The following COL5A2 variants were observed in gnomAD, a reference collection of about 807,000 sequenced individuals.
COL5A2 encodes collagen type V alpha 2 chain.
COL5A2 carries 23 observed loss-of-function variants against 208.2 expected under a neutral mutation model. The ratio of observed to expected loss-of-function variants is 0.11; its 90% confidence interval spans 0.08 to 0.16. The LOEUF is 0.16. Among genes scored for constraint, COL5A2 ranks in the 10% least tolerant of loss-of-function variants. COL5A2 has a pLI of 1.00. For missense variants in COL5A2, 1,590 were observed against 1,956.4 expected (o/e 0.81, Z 3.53); for synonymous variants, 625 against 628.5 (o/e 0.99, Z 0.08).
chr2:189,046,904 A>G (rs918140212), intron 45 of COL5A2, among the ~76,000 whole-genome samples: 3 of 152,106 alleles, frequency 2.0e-5, no homozygotes, highest in African/African-American at 7.2e-5. Flanking sequence ...CGGCCGGATC[A>G]TGAGGTCAAG....
At chr2:189,187,259 A>G (rs2105840989) in intron 1 of COL5A2, among the ~76,000 whole-genome samples, 1 of 152,358 alleles carries the variant, frequency 6.6e-6, no homozygotes, top group Non-Finnish European at 1.5e-5. Context: ...CAGAAGTCAC[A>G]CAATATAATG....
At chr2:189,099,674 G>A (rs1458219494) in intron 4 of COL5A2, among the ~76,000 whole-genome samples, 1 of 152,028 alleles carries the variant, frequency 6.6e-6, no homozygotes, top group Non-Finnish European at 1.5e-5. Flanking sequence ...GACAGTTGAA[G>A]AGCTTTAATC....
At chr2:189,282,213 T>A in the COL5A2 span, among the ~76,000 whole-genome samples, 1 of 151,694 alleles carries the variant, frequency 6.6e-6, no homozygotes, top group South Asian at 2.1e-4. Flanking sequence ...TATATATATA[T>A]CCATTATTAA....
the COL5A2 span, among the ~76,000 whole-genome samples, chr2:189,415,432 T>C: frequency 1.3e-5 from 2 of 152,112 alleles, no homozygotes; most frequent in Non-Finnish European, 1.5e-5. Context: ...TCCATGTGCA[T>C]TTCGGGAAAA....
At chr2:189,227,087 A>G (rs1689430550), upstream of COL5A2, among the ~76,000 whole-genome samples, 1 of 152,150 alleles carries the variant, frequency 6.6e-6, no homozygotes, top group African/African-American at 2.4e-5. Context: ...GGCCTTCAGA[A>G]TCTCTACTTG....
chr2:189,319,002 A>AG, the COL5A2 span, among the ~76,000 whole-genome samples: 5,531 of 152,280 alleles, frequency 0.036, 114 homozygotes, highest in Admixed American at 0.05. Flanking sequence ...TACTGTGCCA[A>AG]GAGACACTCA....
At chr2:189,185,727 G>T (rs1033634250) in intron 1 of COL5A2, among the ~76,000 whole-genome samples, 3 of 152,144 alleles carry the variant, frequency 2.0e-5, no homozygotes, top group African/African-American at 7.2e-5. Context: ...ACCTTCCTGA[G>T]ATTAAAGGCA....
At chr2:189,367,923 G>A in the COL5A2 span, among the ~76,000 whole-genome samples, 3 of 152,106 alleles carry the variant, frequency 2.0e-5, no homozygotes, top group South Asian at 6.2e-4. Flanking sequence ...ACTTGGATAG[G>A]TCCCATTTTT....
In COL5A2 at chr2:189,068,797, G is replaced by C. The variant is rs1412825331; in HGVS notation, c.1246C>G (p.Pro416Ala). 1.2e-6 allele frequency: 2 copies of C among 1,612,572 alleles called. No homozygotes were observed. The highest frequency in any genetic ancestry group is 1.7e-6 in the Non-Finnish European group (2 of 1,179,112). Residue 416 changes from proline to alanine, a missense_variant, in exon 19 of 54, where the codon CCA (proline) becomes GCA (alanine). Pro to Ala is a conservative substitution (Grantham distance 27, BLOSUM62 -1). Transcript: ENST00000374866. ...TGCTAGAAACTTACAGGAAGACCTG[G>C]AGAGCCAACTGGACCTGGGGGCCCA... ...ETGPPGPVGSPGLPGAIGTDG... is the reference protein window; with the variant it reads ...ETGPPGPVGSAGLPGAIGTDG...
the COL5A2 span, among the ~76,000 whole-genome samples, chr2:189,362,577 AT>A: frequency 2.0e-5 from 3 of 151,868 alleles, no homozygotes; most frequent in African/African-American, 7.3e-5. Flanking sequence ...GACTGCCAGA[AT>A]TTTTTTTCAT....
At chr2:189,223,602 A>G (rs1689375359) in intron 1 of COL5A2, among the ~76,000 whole-genome samples, 1 of 152,176 alleles carries the variant, frequency 6.6e-6, no homozygotes, top group African/African-American at 2.4e-5. Context: ...GGATAAATAA[A>G]TTTGTGGTTA....
At chr2:189,055,548 G>A (rs1390590563) in intron 35 of COL5A2, among the ~76,000 whole-genome samples, 1 of 152,066 alleles carries the variant, frequency 6.6e-6, no homozygotes, top group African/African-American at 2.4e-5. Flanking sequence ...TATAGTCTCT[G>A]GATCTACAAT....
the COL5A2 span, among the ~76,000 whole-genome samples, chr2:189,340,371 T>C: frequency 1.3e-5 from 2 of 152,294 alleles, no homozygotes; most frequent in Non-Finnish European, 2.9e-5. Flanking sequence ...CAGATACTCA[T>C]AATCTTTAAA....
At chr2:189,216,989 AAG>A (rs1433690563) in intron 1 of COL5A2, among the ~76,000 whole-genome samples, 3 of 152,140 alleles carry the variant, frequency 2.0e-5, no homozygotes, top group Non-Finnish European at 2.9e-5. Context: ...GAGGATAAAA[AAG>A]AGAGAGAGGG....
intron 1 of COL5A2, among the ~76,000 whole-genome samples, chr2:189,192,053 A>G (rs1158485873): frequency 6.6e-6 from 1 of 152,160 alleles, no homozygotes; most frequent in Non-Finnish European, 1.5e-5. Flanking sequence ...ACCTCAACCT[A>G]TCTTCCAAGT....
At chr2:189,370,943 T>C in the COL5A2 span, among the ~76,000 whole-genome samples, 1 of 152,222 alleles carries the variant, frequency 6.6e-6, no homozygotes, top group African/African-American at 2.4e-5. Context: ...TGAAATGTAG[T>C]CCTCAATGTT....
rs747000973 is a variant in COL5A2, at chr2:189,034,902, C to G, written c.4353+14G>C. The G allele has an allele frequency of 1.1e-5, 17 of 1,613,584 alleles. No homozygotes were observed. The highest frequency in any genetic ancestry group is 1.4e-5 in the Non-Finnish European group (16 of 1,179,798). On this transcript the variant is annotated intron_variant, in intron 53 of 53. Coordinates refer to ENST00000374866, the MANE Select transcript of COL5A2 (RefSeq NM_000393.5). ...TTTCCTCAACCAGATCAATGTAGAT[C>G]AAAAAGTACTTACAGAGCAAGTGTC...
intron 1 of COL5A2, among the ~76,000 whole-genome samples, chr2:189,192,869 A>G (rs1688948326): frequency 6.6e-6 from 1 of 152,232 alleles, no homozygotes; most frequent in South Asian, 2.1e-4. Context: ...TCTTTATCTC[A>G]AGCATGGGTT....
chr2:189,160,089 C>T (rs1019321538), intron 1 of COL5A2, among the ~76,000 whole-genome samples: 16 of 151,914 alleles, frequency 1.1e-4, no homozygotes, highest in African/African-American at 3.9e-4. Flanking sequence ...TTTTTCTCCT[C>T]TCTGTAAGAT....
Sources: gnomAD v4.1 joint callset for allele counts (sites outside exome capture counted in the v4.1 genomes callset) on GRCh38, gnomAD v4.1.1 for gene constraint, MANE v1.5 for transcripts, NCBI Gene and HGNC (gene_info 2026-07-23, HGNC 2026-07-21) for gene names.